The following SEC14L5 variants were observed in gnomAD, a reference collection of about 807,000 sequenced individuals.
SEC14L5 encodes SEC14-like protein 5.
SEC14L5 carries 96 observed loss-of-function variants against 84.6 expected under a neutral mutation model. The observed-to-expected ratio is 1.13, with a 90% CI of 0.96 to 1.34. SEC14L5 has a LOEUF of 1.34. Among genes scored for constraint, SEC14L5 ranks in the 40% most tolerant of loss-of-function variants. SEC14L5 has a pLI of 0.00. For synonymous variants in SEC14L5, 546 were observed against 383.4 expected, an observed-to-expected ratio of 1.42 and a Z score of -4.95; for missense variants, 1,224 against 942.5, an observed-to-expected ratio of 1.30 and a Z score of -3.91.
intron 14 of SEC14L5, among the ~76,000 whole-genome samples, chr16:5,010,661 C>G (rs1955789154): frequency 6.6e-6 from 1 of 152,174 alleles, no homozygotes; most frequent in Admixed American, 6.5e-5. Flanking sequence ...CAAAGTGGCT[C>G]TTCTTGTAAA....
At chr16:4,997,172 C>T in intron 8 of SEC14L5, 128 bp downstream of exon 8, 2 of 618,616 alleles carry the variant, frequency 3.2e-6, no homozygotes, top group East Asian at 3.4e-5. Flanking sequence ...CATCTCGGCT[C>T]ACCATAATCT....
chr16:4,985,139 C>T (rs1377656490), intron 2 of SEC14L5, among the ~76,000 whole-genome samples: 1 of 151,982 alleles, frequency 6.6e-6, no homozygotes, highest in African/African-American at 2.4e-5. Context: ...TTGCTTAATC[C>T]AAGTTCATAA....
At chr16:4,978,135 C>T (rs1035668629) in intron 2 of SEC14L5, among the ~76,000 whole-genome samples, 4 of 121,208 alleles carry the variant, frequency 3.3e-5, no homozygotes, top group Non-Finnish European at 6.7e-5. Context: ...AAGATCTTGG[C>T]CGGGCGCGGT....
chr16:4,981,044 G>A (rs1002941726), intron 2 of SEC14L5, among the ~76,000 whole-genome samples: 3 of 151,852 alleles, frequency 2.0e-5, no homozygotes, highest in Non-Finnish European at 4.4e-5. Flanking sequence ...GGTGGGCAGG[G>A]CAGATCACAC....
At chr16:4,982,223 C>T (rs1358342320) in intron 2 of SEC14L5, among the ~76,000 whole-genome samples, 4 of 152,242 alleles carry the variant, frequency 2.6e-5, no homozygotes, top group South Asian at 4.1e-4. Flanking sequence ...CCCCTCCCCC[C>T]GCCTCTCTTC....
At chr16:4,969,840 A>G (rs1955253733) in intron 2 of SEC14L5, among the ~76,000 whole-genome samples, 4 of 133,560 alleles carry the variant, frequency 3.0e-5, no homozygotes, top group Admixed American at 2.4e-4. Flanking sequence ...TTTTTTTGAG[A>G]CTGGTCTCAG....
At chr16:4,999,354 G>C (rs11076864) in intron 8 of SEC14L5, among the ~76,000 whole-genome samples, 147,753 of 152,284 alleles carry the variant, frequency 0.97, 71,827 homozygotes, top group East Asian at 1. Flanking sequence ...CCTGTAATCA[G>C]AGCTCTCTGG....
chr16:4,986,586 A>T (rs568937051), intron 2 of SEC14L5, among the ~76,000 whole-genome samples: 8 of 152,298 alleles, frequency 5.3e-5, no homozygotes, highest in Admixed American at 3.3e-4. Context: ...GTCAACTGGG[A>T]TGTGGATATT....
In SEC14L5 at chr16:5,017,854, T is replaced by C. The variant is rs1033767258; in HGVS notation, c.*2884T>C. ...AATTAAAAATAATCCAAGGAAGGGA[T>C]TGCCAAGCTTTTGGCTTTTGAATTT... On this transcript the variant is annotated 3_prime_UTR_variant, in exon 16 of 16. Transcript: ENST00000251170. The C allele has an allele frequency of 1.3e-5, 2 of 152,228 alleles. No homozygotes were observed. The highest frequency in any genetic ancestry group is 2.9e-5 in the Non-Finnish European group (2 of 68,036). The allele number at this position is 152,228 out of a possible 1,614,324, so 9.4% of individuals were successfully genotyped here.
chr16:4,990,982 T>A (rs1044365420), intron 5 of SEC14L5, 87 bp downstream of exon 5: 1 of 1,137,976 alleles, frequency 8.8e-7, no homozygotes, highest in Non-Finnish European at 1.2e-6. Flanking sequence ...GCAAGACCCT[T>A]ACCCTTCCTG....
chr16:5,012,764 G>GTGTGGTGGCA (rs57447743), intron 15 of SEC14L5, among the ~76,000 whole-genome samples: 3 of 84,124 alleles, frequency 3.6e-5, no homozygotes, highest in Admixed American at 3.0e-4. Flanking sequence ...AATTAGCCGG[G>GTGTGGTGGCA]CATGCCTATA....
At chr16:4,987,522 C>A (rs80095370) in intron 2 of SEC14L5, 35 bp from the exon 3 acceptor site, 12 of 1,498,528 alleles carry the variant, frequency 8.0e-6, no homozygotes, top group East Asian at 5.3e-5. Context: ...CTCTGCCCCC[C>A]CCACCACGGC....
At position 5,008,466 on chromosome 16, in the gene SEC14L5, T is replaced by C; in HGVS notation, c.1618T>C (p.Phe540Leu). 6.2e-7 allele frequency: 1 copy of C among 1,613,570 alleles called. No individual in the cohort carries two copies. The highest frequency in any genetic ancestry group is 1.1e-5 in the South Asian group (1 of 91,044). The change falls in exon 14 of 16, where the codon TTT becomes CTT. Residue 540 changes from phenylalanine (F) to leucine (L), a missense_variant. Transcript: ENST00000251170. ...LEGESVITWD[F>L]DILRGDVVFS... Reference sequence around the variant, plus strand: ...AGGAGAGTCGGTCATCACCTGGGACTTTGACATCCTGCGAGGGGACGTGGT... The same window carrying C: ...AGGAGAGTCGGTCATCACCTGGGACCTTGACATCCTGCGAGGGGACGTGGT...
intron 2 of SEC14L5, among the ~76,000 whole-genome samples, chr16:4,976,668 A>C (rs756890651): frequency 2.0e-5 from 3 of 152,202 alleles, no homozygotes; most frequent in Non-Finnish European, 4.4e-5. Context: ...CGTAAGAGGC[A>C]GCCCTGCTTG....
intron 2 of SEC14L5, among the ~76,000 whole-genome samples, chr16:4,975,299 C>T (rs1033122998): frequency 2.0e-5 from 3 of 151,512 alleles, no homozygotes; most frequent in African/African-American, 2.4e-5. Flanking sequence ...GGTGAAACCC[C>T]GTCTCCACTA....
intron 2 of SEC14L5, among the ~76,000 whole-genome samples, chr16:4,972,401 T>TG (rs1955290384): frequency 6.6e-6 from 1 of 152,178 alleles, no homozygotes; most frequent in Admixed American, 6.5e-5. Context: ...TACATTCACG[T>TG]TATTGTGCAA....
At chr16:5,008,906 G>A (rs1955768078) in intron 14 of SEC14L5, among the ~76,000 whole-genome samples, 1 of 152,252 alleles carries the variant, frequency 6.6e-6, no homozygotes, top group South Asian at 2.1e-4. Context: ...GAGGAGCACA[G>A]GGTCTGGAAC....
intron 2 of SEC14L5, among the ~76,000 whole-genome samples, chr16:4,972,180 T>C (rs1955287868): frequency 6.6e-6 from 1 of 152,100 alleles, no homozygotes; most frequent in East Asian, 1.9e-4. Flanking sequence ...TTTAAAATAT[T>C]TTGTGGAGAT....
At position 4,987,628 on chromosome 16, in the gene SEC14L5, C is replaced by A; in HGVS notation, c.135C>A (p.Ser45=). ...VFLGSEVLRE[S]RSPDGAVHVV... Reference sequence around the variant, plus strand: ...TGGGCAGCGAGGTCTTGCGCGAGTCCCGCAGCCCGGACGGGGCTGTGCACG... The same window carrying A: ...TGGGCAGCGAGGTCTTGCGCGAGTCACGCAGCCCGGACGGGGCTGTGCACG... Residue 45 remains serine, a synonymous_variant, in exon 3 of 16, where the codon TCC becomes TCA. Coordinates refer to ENST00000251170, the MANE Select transcript of SEC14L5 (RefSeq NM_014692.2). The A allele has an allele frequency of 6.4e-7, 1 of 1,557,410 alleles. No homozygotes were observed. The highest frequency in any genetic ancestry group is 8.7e-7 in the Non-Finnish European group (1 of 1,151,826).
Sources: allele counts gnomAD v4.1 joint callset (sites outside exome capture counted in the v4.1 genomes callset), GRCh38; gene constraint gnomAD v4.1.1; transcripts MANE v1.5; gene names NCBI Gene and HGNC (gene_info 2026-07-23, HGNC 2026-07-21).